The following NCAM1 variants were observed in gnomAD, a reference collection of about 807,000 sequenced individuals.
The protein encoded by NCAM1 is antigen recognized by monoclonal antibody 5.1H11.
Under a neutral mutation model 109.8 loss-of-function variants are expected in NCAM1, and 14 were observed. The ratio of observed to expected loss-of-function variants is 0.13; its 90% CI spans 0.08 to 0.20. The LOEUF (loss-of-function observed/expected upper bound fraction) is 0.20. NCAM1 is among the 10% of genes least tolerant of loss of function. The pLI is 1.00. For synonymous variants in NCAM1, 418 were observed against 442.9 expected, an observed-to-expected ratio of 0.94 and a Z score of 0.70; for missense variants, 774 against 1,109.9, an observed-to-expected ratio of 0.70 and a Z score of 4.30.
At chr11:113,245,231 G>A (rs116978666) in intron 14 of NCAM1, among the ~76,000 whole-genome samples, 376 of 152,218 alleles carry the variant, frequency 2.5e-3, no homozygotes, top group African/African-American at 8.0e-3. Flanking sequence ...GAGGTGGAAG[G>A]ATCACTTGAG....
chr11:113,014,742 G>A (rs914920316), intron 1 of NCAM1, among the ~76,000 whole-genome samples: 3 of 152,220 alleles, frequency 2.0e-5, no homozygotes, highest in Admixed American at 1.3e-4. Flanking sequence ...TTCTGAGGTC[G>A]TCTTGGTTGT....
At chr11:113,202,333 T>C (rs45448394) in intron 1 of NCAM1, 46 bp from the exon 2 acceptor site, 6 of 1,478,406 alleles carry the variant, frequency 4.1e-6, no homozygotes, top group Middle Eastern at 1.8e-4. Context: ...ACTTTGTGGG[T>C]TTTTTTTTGT....
At chr11:113,068,313 G>T (rs1938076954) in intron 1 of NCAM1, among the ~76,000 whole-genome samples, 1 of 152,182 alleles carries the variant, frequency 6.6e-6, no homozygotes, top group Non-Finnish European at 1.5e-5. Flanking sequence ...CTGGATTGTA[G>T]AGCCTTAGGG....
intron 1 of NCAM1, among the ~76,000 whole-genome samples, chr11:113,064,856 T>A (rs1555083956): frequency 6.6e-6 from 1 of 152,206 alleles, no homozygotes. Context: ...ACGTTTAATA[T>A]AGATCAAGAT....
rs17115268 is a variant in NCAM1, at chr11:113,250,385, C to T, written c.1828+4015C>T. Among the ~76,000 whole-genome samples, 1,514 of 152,316 alleles carry T rather than the reference C, an allele frequency of 9.9e-3. 30 individuals are homozygous for T. Among genetic ancestry groups the T allele is most frequent in the African/African-American group, 0.035 (1,462 of 41,568 alleles). ...GGAAAGAGAATCAGTGGTCTAATAA[C>T]GCTAAATCCTGATTCCCTCAGATAA... is the stretch of plus-strand genomic sequence containing the variant. On this transcript the variant is annotated intron_variant, in intron 15 of 19. Coordinates refer to ENST00000316851, the MANE Select transcript of NCAM1 (RefSeq NM_181351.5).
intron 14 of NCAM1, among the ~76,000 whole-genome samples, chr11:113,244,682 TGTGTGG>T (rs34527156): frequency 0.018 from 2,522 of 141,198 alleles, 32 homozygotes; most frequent in Non-Finnish European, 0.029. Flanking sequence ...TGTGTGTGTG[TGTGTGG>T]ACCCATTTAT....
At chr11:113,158,039 G>T (rs1942476833) in intron 1 of NCAM1, among the ~76,000 whole-genome samples, 1 of 152,006 alleles carries the variant, frequency 6.6e-6, no homozygotes, top group South Asian at 2.1e-4. Flanking sequence ...TCATCTATTG[G>T]TCATTTAGAA....
rs563268389 is a variant in NCAM1, at chr11:113,110,663, C to T, written c.53-91716C>T. Among the ~76,000 whole-genome samples the T allele has an allele frequency of 3.9e-5, 6 of 152,262 alleles. No homozygotes were observed. In the East Asian group the frequency reaches 1.2e-3, roughly 29 times the overall value. On this transcript the variant is annotated intron_variant, in intron 1 of 19. Transcript: ENST00000316851. ...TAATATTCCCAAGGTAATGATTTCA[C>T]TGAGAAATCATAACAAAACACTAAG...
At position 113,274,891 on chromosome 11, in the gene NCAM1, G is replaced by A. The variant is rs888393722; in HGVS notation, c.2457-376G>A. 3.3e-5 allele frequency among the ~76,000 whole-genome samples: 5 copies of A among 152,118 alleles called. No homozygotes were observed. The highest frequency in any genetic ancestry group is 6.5e-5 in the Admixed American group (1 of 15,270). On this transcript the variant is annotated intron_variant, in intron 19 of 19. Coordinates refer to ENST00000316851, the MANE Select transcript of NCAM1 (RefSeq NM_181351.5). The surrounding 1 kb of genome is among the most constrained non-coding windows in gnomAD (Gnocchi z 4.1). ...AGCTGTTGCCACTGCAGCTGGTCAG[G>A]GTGAGGAGGAGCTGCCTCTGCTGCC... is the stretch of plus-strand genomic sequence containing the variant.
intron 1 of NCAM1, among the ~76,000 whole-genome samples, chr11:113,087,442 A>G (rs1471621812): frequency 6.6e-6 from 1 of 152,220 alleles, no homozygotes; most frequent in East Asian, 1.9e-4. Flanking sequence ...TTTTTGTTCA[A>G]AGTGAACTTT....
chr11:113,141,533 C>T (rs1288527260), intron 1 of NCAM1, among the ~76,000 whole-genome samples: 3 of 152,140 alleles, frequency 2.0e-5, no homozygotes, highest in Non-Finnish European at 4.4e-5. Flanking sequence ...CCTGTAGTCC[C>T]AGCTACTTGG....
At chr11:113,200,775 C>T (rs1944028531) in intron 1 of NCAM1, among the ~76,000 whole-genome samples, 1 of 152,110 alleles carries the variant, frequency 6.6e-6, no homozygotes, top group Non-Finnish European at 1.5e-5. Context: ...GGCAGTGACC[C>T]CGCGGCATAG....
chr11:113,081,671 TTACAG>T (rs1938827072), intron 1 of NCAM1, among the ~76,000 whole-genome samples: 1 of 152,040 alleles, frequency 6.6e-6, no homozygotes, highest in South Asian at 2.1e-4. Flanking sequence ...GTAGCTGAGA[TTACAG>T]GTGTCCACCA....
chr11:113,174,403 T>C (rs1279966248), intron 1 of NCAM1, among the ~76,000 whole-genome samples: 1 of 152,198 alleles, frequency 6.6e-6, no homozygotes, highest in Non-Finnish European at 1.5e-5. Flanking sequence ...CAGGCACAAG[T>C]TTCTTTGTAT....
intron 1 of NCAM1, among the ~76,000 whole-genome samples, chr11:113,041,403 T>A (rs549169079): frequency 6.6e-6 from 1 of 152,252 alleles, no homozygotes; most frequent in East Asian, 1.9e-4. Flanking sequence ...GGAGAGTAAC[T>A]ATATAATGAA....
At chr11:113,196,691 G>T (rs1943864694) in intron 1 of NCAM1, among the ~76,000 whole-genome samples, 1 of 152,158 alleles carries the variant, frequency 6.6e-6, no homozygotes, top group African/African-American at 2.4e-5. Context: ...AAAGCTAATA[G>T]GTGGCAGAGC....
At chr11:113,235,268 T>C in intron 14 of NCAM1, 104 bp downstream of exon 14, 1 of 1,605,166 alleles carries the variant, frequency 6.2e-7, no homozygotes, top group South Asian at 1.1e-5. Flanking sequence ...CCACAGCTTT[T>C]TGTCTTTCAG....
At chr11:113,254,461 C>G (rs1316392639) in intron 15 of NCAM1, among the ~76,000 whole-genome samples, 1 of 152,212 alleles carries the variant, frequency 6.6e-6, no homozygotes, top group African/African-American at 2.4e-5. Context: ...CTGGAAGGAT[C>G]TTGTTACAGG....
intron 1 of NCAM1, among the ~76,000 whole-genome samples, chr11:113,196,295 C>T (rs543541542): frequency 2.8e-4 from 43 of 152,288 alleles, no homozygotes; most frequent in African/African-American, 8.4e-4. Context: ...TGGAGCCCCC[C>T]ATGTTATGAT....
Sources: allele counts gnomAD v4.1 joint callset (sites outside exome capture counted in the v4.1 genomes callset), GRCh38; gene constraint gnomAD v4.1.1; non-coding constraint Gnocchi (gnomAD v3.1); transcripts MANE v1.5; gene names NCBI Gene and HGNC (gene_info 2026-07-23, HGNC 2026-07-21).